The following SPAG9 variants were observed in gnomAD, a reference collection of about 807,000 sequenced individuals.
The protein encoded by SPAG9 is sperm associated antigen 9.
In SPAG9, 35 loss-of-function variants were observed where a neutral mutation model predicts 166.5. That is an observed-to-expected ratio of 0.21 (90% CI 0.16 to 0.28). The LOEUF (loss-of-function observed/expected upper bound fraction) is 0.28. Among genes scored for constraint, SPAG9 ranks in the 10% least tolerant of loss-of-function variants. The probability of loss-of-function intolerance (pLI) is 1.00; values close to 1 mark genes in which losing one functional copy is unlikely to be tolerated. For synonymous variants in SPAG9, 534 were observed against 565.5 expected, an observed-to-expected ratio of 0.94 and a Z score of 0.79; for missense variants, 1,235 against 1,603.3, an observed-to-expected ratio of 0.77 and a Z score of 3.92.
chr17:51,074,086 A>G (rs1327537913), intron 2 of SPAG9, among the ~76,000 whole-genome samples: 14 of 151,642 alleles, frequency 9.2e-5, no homozygotes, highest in Non-Finnish European at 2.1e-4. Context: ...AATACAAAAA[A>G]TAAGCCGGGC....
chr17:51,096,032 T>C (rs1886040909), intron 1 of SPAG9, among the ~76,000 whole-genome samples: 2 of 132,710 alleles, frequency 1.5e-5, no homozygotes, highest in Admixed American at 1.5e-4. Context: ...GATATATATA[T>C]ATAGTGATAT....
At chr17:51,025,897 G>GTT (rs2046148699) in intron 6 of SPAG9, among the ~76,000 whole-genome samples, 1 of 151,998 alleles carries the variant, frequency 6.6e-6, no homozygotes, top group South Asian at 2.1e-4. Context: ...AGTTTCAAAC[G>GTT]TAACACACAT....
At chr17:50,981,521 G>GATAT (rs1974624385) in intron 25 of SPAG9, among the ~76,000 whole-genome samples, 1 of 148,962 alleles carries the variant, frequency 6.7e-6, no homozygotes, top group South Asian at 2.1e-4. Context: ...TAGATAGATA[G>GATAT]ATAGATAGAA....
At chr17:51,003,234 ACT>A (rs2045040972) in intron 12 of SPAG9, among the ~76,000 whole-genome samples, 1 of 151,896 alleles carries the variant, frequency 6.6e-6, no homozygotes, top group South Asian at 2.1e-4. Context: ...ACAGAGCAAG[ACT>A]CTGTCTCTAA....
chr17:50,990,468 C>A lies in SPAG9; in HGVS notation c.2599G>T (p.Val867Leu), dbSNP rs756013673. The change falls in exon 20 of 30, where the codon GTG (valine) becomes TTG (leucine). Residue 867 changes from valine to leucine, a missense_variant. This residue lies in a region of SPAG9 where 493 missense variants were observed against 559.4 expected (regional missense o/e 0.88). Coordinates refer to ENST00000262013, the MANE Select transcript of SPAG9 (RefSeq NM_001130528.3). ...TSPSTNGASP[V>L]MDKPPEMEAE... The stretch of plus-strand genomic sequence containing the variant: ...GATATACCTGGTGGTTTATCCATCA[C>A]TGGAGAAGCACCATTTGTACTAGGG... The A allele has an allele frequency of 1.1e-5, 17 of 1,613,892 alleles. No homozygotes were observed. Among genetic ancestry groups the A allele is most frequent in the Non-Finnish European group, 1.3e-5 (15 of 1,179,860 alleles).
At position 51,072,364 on chromosome 17, in the gene SPAG9, G is replaced by C. The variant is rs567302537; in HGVS notation, c.424+7220C>G. Reference sequence around the variant, plus strand: ...TGGGATTACAGGCGTGAGCCACCGCGCCTGGTCTCATATTTTATTTAAAAA... The same window carrying C: ...TGGGATTACAGGCGTGAGCCACCGCCCCTGGTCTCATATTTTATTTAAAAA... On this transcript the variant is annotated intron_variant, in intron 2 of 29. Coordinates refer to ENST00000262013, the MANE Select transcript of SPAG9 (RefSeq NM_001130528.3). Among the ~76,000 whole-genome samples the C allele has an allele frequency of 2.0e-3, 293 of 149,006 alleles. 1 individual carries two copies. Among genetic ancestry groups the C allele is most frequent in the Non-Finnish European group, 3.3e-3 (226 of 67,496 alleles).
rs2045931305 is a variant in SPAG9 at position 51,021,379 on chromosome 17, T to C, written c.784-14A>G. 6.4e-7 allele frequency: 1 copy of C among 1,569,630 alleles called. No individual in the cohort carries two copies. Among genetic ancestry groups the C allele is most frequent in the Non-Finnish European group, 8.6e-7 (1 of 1,157,430 alleles). On this transcript the variant is annotated splice_polypyrimidine_tract_variant and intron_variant, in intron 6 of 29. Transcript: ENST00000262013. Reference sequence around the variant, plus strand: ...AGAAAGCTCATCCTACAAATAAAAATAATTTAAAATAAAATTTTAAATGAC... The same window carrying C: ...AGAAAGCTCATCCTACAAATAAAAACAATTTAAAATAAAATTTTAAATGAC...
chr17:51,087,547 C>A (rs2048336138), intron 1 of SPAG9, among the ~76,000 whole-genome samples: 1 of 152,050 alleles, frequency 6.6e-6, no homozygotes, highest in African/African-American at 2.4e-5. Context: ...ATACTATCAA[C>A]AAAATACTTG....
chr17:51,075,878 G>A (rs545609967), intron 2 of SPAG9, among the ~76,000 whole-genome samples: 3 of 151,240 alleles, frequency 2.0e-5, no homozygotes, highest in African/African-American at 4.9e-5. Flanking sequence ...TGTGGATCAC[G>A]AGGTCAGGAG....
At chr17:51,087,114 T>C (rs2048326471) in intron 1 of SPAG9, among the ~76,000 whole-genome samples, 1 of 152,100 alleles carries the variant, frequency 6.6e-6, no homozygotes, top group Non-Finnish European at 1.5e-5. Context: ...TGACTGGAAG[T>C]TTCTAAATTG....
chr17:51,011,153 T>C (rs1410150354), intron 9 of SPAG9, among the ~76,000 whole-genome samples: 1 of 152,050 alleles, frequency 6.6e-6, no homozygotes, highest in Non-Finnish European at 1.5e-5. Context: ...GAGATTCTTT[T>C]AAATTAGTAA....
chr17:51,079,174 G>C (rs1162777804), intron 2 of SPAG9, among the ~76,000 whole-genome samples: 3 of 150,808 alleles, frequency 2.0e-5, no homozygotes, highest in Non-Finnish European at 2.9e-5. Flanking sequence ...TTCCAAGTTT[G>C]TATTTAGAAC....
rs73986850 is a variant in SPAG9 at position 51,001,965 on chromosome 17, C to A, written c.1477-120G>T. 13,161 of 862,420 alleles carry A rather than the reference C, an allele frequency of 0.015. 735 individuals carry two copies. The African/African-American group carries it at 0.16, about 10-fold the overall frequency. The allele number at this position is 862,420 out of a possible 1,614,324, so 53.4% of individuals were successfully genotyped here. On this transcript the variant is annotated intron_variant, in intron 12 of 29. Coordinates refer to ENST00000262013, the MANE Select transcript of SPAG9 (RefSeq NM_001130528.3). ...TTCCTTAATTTTTAATCTAGTAGATCATTTAAAGAAAAATGGCTTTATAAA... is the reference window on the plus strand; with the variant it reads ...TTCCTTAATTTTTAATCTAGTAGATAATTTAAAGAAAAATGGCTTTATAAA...
At chr17:50,980,442 T>A (rs956152750) in intron 25 of SPAG9, among the ~76,000 whole-genome samples, 12 of 151,964 alleles carry the variant, frequency 7.9e-5, no homozygotes, top group African/African-American at 2.9e-4. Flanking sequence ...TGACCTCAAG[T>A]GATCTGCCCA....
At chr17:50,984,790 TAC>T in intron 24 of SPAG9, 131 bp downstream of exon 24, 1 of 748,008 alleles carries the variant, frequency 1.3e-6, no homozygotes, top group Non-Finnish European at 2.4e-6. Flanking sequence ...CTAATATATT[TAC>T]TGATGTTGTG....
intron 1 of SPAG9, chr17:51,084,201 A>C: frequency 6.6e-6 from 1 of 152,230 alleles, no homozygotes; most frequent in Non-Finnish European, 1.5e-5. Context: ...GAATGCAAGC[A>C]GATGATGTAA....
At chr17:50,999,525 A>G in intron 14 of SPAG9, 136 bp downstream of exon 14, 2 of 1,480,366 alleles carry the variant, frequency 1.4e-6, no homozygotes, top group Non-Finnish European at 9.0e-7. Context: ...CAGTTTAGCT[A>G]CTTAACCATT....
chr17:50,999,226 T>C (rs1428368036), intron 14 of SPAG9, among the ~76,000 whole-genome samples: 1 of 152,158 alleles, frequency 6.6e-6, no homozygotes, highest in African/African-American at 2.4e-5. Context: ...AGCACAAACA[T>C]AACTCAAGCT....
intron 2 of SPAG9, among the ~76,000 whole-genome samples, chr17:51,060,181 T>G (rs149676355): frequency 6.6e-6 from 1 of 152,154 alleles, no homozygotes; most frequent in East Asian, 1.9e-4. Context: ...CCTCCCAATA[T>G]GACTGCATTT....
Sources: gnomAD v4.1 joint callset for allele counts (sites outside exome capture counted in the v4.1 genomes callset) on GRCh38, gnomAD v4.1.1 for gene constraint, gnomAD v4.1.1 regional missense constraint, MANE v1.5 for transcripts, NCBI Gene and HGNC (gene_info 2026-07-23, HGNC 2026-07-21) for gene names.